The following AKAP1 variants were observed in gnomAD, a reference collection of about 807,000 sequenced individuals.
AKAP1 encodes the protein A-kinase anchor protein 1, mitochondrial.
In AKAP1, 32 loss-of-function variants were observed where a neutral mutation model predicts 79.8. That is an observed-to-expected ratio of 0.40 (90% CI 0.30 to 0.54). AKAP1 has a LOEUF of 0.54. Among genes scored for constraint, AKAP1 ranks in the 20% least tolerant of loss-of-function variants. The pLI, the probability that AKAP1 is intolerant of heterozygous loss-of-function variation, is 0.47. For missense variants in AKAP1, 961 were observed against 1,138.9 expected, an observed-to-expected ratio of 0.84 and a Z score of 2.25; for synonymous variants, 416 against 466.7, an observed-to-expected ratio of 0.89 and a Z score of 1.40.
rs1914826641 is a variant in AKAP1, at chr17:57,105,941, C to T, written c.477C>T (p.Ser159=). ...CCCCAAAGGGTGTACTATTCTCCAGCAAATCAGCTGAGGTGTGTAAGCAAG... is the reference window on the plus strand; with the variant it reads ...CCCCAAAGGGTGTACTATTCTCCAGTAAATCAGCTGAGGTGTGTAAGCAAG... ...LSSPKGVLFS[S]KSAEVCKQDS... Residue 159 remains serine (S), a synonymous_variant, in exon 2 of 11, where the codon AGC becomes AGT. Coordinates refer to ENST00000337714, the MANE Select transcript of AKAP1 (RefSeq NM_003488.4). 3 of 1,614,204 alleles carry T rather than the reference C, an allele frequency of 1.9e-6. No homozygotes were observed. The highest frequency in any genetic ancestry group is 2.5e-6 in the Non-Finnish European group (3 of 1,180,040).
intron 2 of AKAP1, chr17:57,107,994 C>T: frequency 2.3e-6 from 3 of 1,288,470 alleles, no homozygotes; most frequent in Non-Finnish European, 3.0e-6. Flanking sequence ...ACGAGGTGTC[C>T]TGGGTTTTTC....
chr17:57,118,305 C>A, intron 8 of AKAP1, 76 bp from the exon 9 acceptor site: 1 of 1,398,496 alleles, frequency 7.2e-7, no homozygotes, highest in South Asian at 1.2e-5. Flanking sequence ...TGGAATGCAC[C>A]TGAAACTTGT....
At position 57,106,355 on chromosome 17, in the gene AKAP1, T is replaced by C. The variant is rs1050515; in HGVS notation, c.891T>C (p.Asp297=). 0.54 allele frequency: 861,137 copies of C among 1,587,328 alleles called. 236,797 individuals are homozygous for C. Among genetic ancestry groups the C allele is most frequent in the East Asian group, 0.77 (34,548 of 44,802 alleles). Residue 297 remains aspartate (D), a synonymous_variant, in exon 2 of 11, where the codon GAT becomes GAC. Transcript: ENST00000337714. ...APPVADAKAQ[D]RGVEGELGNE... ...CAGTCGCAGACGCCAAAGCCCAGGA[T>C]AGAGGTGTCGAGGGAGAACTGGGCA...
chr17:57,087,045 T>C (rs945865099), intron 1 of AKAP1, among the ~76,000 whole-genome samples: 5 of 152,242 alleles, frequency 3.3e-5, no homozygotes, highest in Admixed American at 2.6e-4. Context: ...TTCTTTAACC[T>C]CTAACTAGTT....
intron 1 of AKAP1, among the ~76,000 whole-genome samples, chr17:57,087,594 A>G (rs1913540357): frequency 6.6e-6 from 1 of 152,168 alleles, no homozygotes; most frequent in Non-Finnish European, 1.5e-5. Flanking sequence ...TATTTGTGAT[A>G]CTGGGGACTG....
At chr17:57,109,602 G>A (rs73991775) in intron 2 of AKAP1, among the ~76,000 whole-genome samples, 3,358 of 152,268 alleles carry the variant, frequency 0.022, 120 homozygotes, top group African/African-American at 0.076. Flanking sequence ...TTGGTCTGAG[G>A]GGGTAGGATA....
At chr17:57,110,553 C>T (rs376708625) in intron 3 of AKAP1, among the ~76,000 whole-genome samples, 96 of 152,302 alleles carry the variant, frequency 6.3e-4, no homozygotes, top group Middle Eastern at 3.4e-3. Context: ...TTGAGCAAAG[C>T]ATAAATCCAT....
chr17:57,097,611 C>G (rs1339811312), intron 1 of AKAP1, among the ~76,000 whole-genome samples: 1 of 152,190 alleles, frequency 6.6e-6, no homozygotes, highest in African/African-American at 2.4e-5. Context: ...GGTTCTGATT[C>G]CCTGCCCTTG....
chr17:57,106,695 G>A lies in AKAP1; in HGVS notation c.1231G>A (p.Ala411Thr), dbSNP rs1655780142. ...TGCGGAGCCTGCCACAGCAGAGGCA[G>A]CTGTTGCCCCGCCGGATGCTGGCCT... ...DTAEPATAEA[A>T]VAPPDAGLPL... The change falls in exon 2 of 11, where the codon GCT becomes ACT. Residue 411 changes from alanine (A) to threonine (T), a missense_variant. Coordinates refer to ENST00000337714, the MANE Select transcript of AKAP1 (RefSeq NM_003488.4). 1.2e-6 allele frequency: 2 copies of A among 1,613,956 alleles called. No individual in the cohort carries two copies. Among genetic ancestry groups the A allele is most frequent in the Admixed American group, 1.7e-5 (1 of 60,010 alleles).
At chr17:57,100,296 A>T (rs1038229286) in intron 1 of AKAP1, among the ~76,000 whole-genome samples, 1 of 152,172 alleles carries the variant, frequency 6.6e-6, no homozygotes, top group Non-Finnish European at 1.5e-5. Context: ...ATCTAAATTT[A>T]CTGACCTGGC....
chr17:57,103,840 A>G (rs541552292), intron 1 of AKAP1, among the ~76,000 whole-genome samples: 2 of 152,280 alleles, frequency 1.3e-5, no homozygotes, highest in South Asian at 4.1e-4. Context: ...TATACCAACC[A>G]TCCATTAAGA....
intron 3 of AKAP1, 133 bp downstream of exon 3, chr17:57,110,291 G>C: frequency 7.8e-7 from 1 of 1,283,162 alleles, no homozygotes; most frequent in Non-Finnish European, 1.1e-6. Flanking sequence ...TCAGCCAAAG[G>C]CCGCAGGGAA....
intron 6 of AKAP1, 123 bp from the exon 7 acceptor site, chr17:57,115,988 C>T: frequency 4.2e-6 from 5 of 1,184,910 alleles, no homozygotes; most frequent in Non-Finnish European, 5.8e-6. Context: ...CTGTTCCTGT[C>T]CCCTGCACTG....
rs768615737 is a variant in AKAP1 at position 57,112,478 on chromosome 17, A to G, written c.1976-13A>G. On this transcript the variant is annotated splice_polypyrimidine_tract_variant and intron_variant, in intron 4 of 10. Coordinates refer to ENST00000337714, the MANE Select transcript of AKAP1 (RefSeq NM_003488.4). ...TACAGTGATTGTATGTCCTGCCCCC[A>G]TCCGCTATTTAGGCTCTCAACATCA... The G allele has an allele frequency of 3.1e-6, 5 of 1,612,268 alleles. No individual in the cohort carries two copies. Among genetic ancestry groups the G allele is most frequent in the Non-Finnish European group, 4.2e-6 (5 of 1,179,210 alleles).
chr17:57,116,292 C>G, intron 7 of AKAP1, 31 bp downstream of exon 7: 1 of 1,612,942 alleles, frequency 6.2e-7, no homozygotes, highest in Non-Finnish European at 8.5e-7. Context: ...CAGGCCTACG[C>G]CCTGCTTGTT....
At position 57,106,681 on chromosome 17, in the gene AKAP1, C is replaced by A. The variant is rs763062892; in HGVS notation, c.1217C>A (p.Ala406Asp). 5.0e-6 allele frequency: 8 copies of A among 1,614,118 alleles called. No homozygotes were observed. The highest frequency in any genetic ancestry group is 6.8e-6 in the Non-Finnish European group (8 of 1,180,046). The change falls in exon 2 of 11, where the codon GCC (alanine) becomes GAC (aspartate). Residue 406 changes from alanine (A) to aspartate (D), a missense_variant. This residue lies in a region of AKAP1 where 629 missense variants were observed against 781.1 expected (regional missense o/e 0.81). Transcript: ENST00000337714. The stretch of plus-strand genomic sequence containing the variant: ...TTGGGCCCAGACACTGCGGAGCCTG[C>A]CACAGCAGAGGCAGCTGTTGCCCCG... ...TVLGPDTAEP[A>D]TAEAAVAPPD...
chr17:57,118,481 G>A, intron 9 of AKAP1, 27 bp downstream of exon 9: 2 of 1,612,402 alleles, frequency 1.2e-6, no homozygotes, highest in South Asian at 2.2e-5. Flanking sequence ...GGTGGGGGAG[G>A]CAGGCTGGCT....
chr17:57,101,948 A>G (rs938256077), intron 1 of AKAP1, among the ~76,000 whole-genome samples: 3 of 152,134 alleles, frequency 2.0e-5, no homozygotes, highest in Admixed American at 6.5e-5. Flanking sequence ...GATTTTTTCC[A>G]TGTCGGCACA....
chr17:57,095,004 A>C (rs1407526064), intron 1 of AKAP1: 1 of 152,104 alleles, frequency 6.6e-6, no homozygotes, highest in African/African-American at 2.4e-5. Flanking sequence ...ATATTCTCTC[A>C]TTCCTACCCC....
Sources: gnomAD v4.1 joint callset for allele counts (sites outside exome capture counted in the v4.1 genomes callset) on GRCh38, gnomAD v4.1.1 for gene constraint, gnomAD v4.1.1 regional missense constraint, MANE v1.5 for transcripts, NCBI Gene and HGNC (gene_info 2026-07-23, HGNC 2026-07-21) for gene names.